The following MANBA variants were observed in gnomAD, a reference collection of about 807,000 sequenced individuals.
MANBA encodes the protein mannosidase beta.
MANBA carries 83 observed loss-of-function variants against 111.1 expected under a neutral mutation model. The ratio of observed to expected loss-of-function variants is 0.75; its 90% CI spans 0.63 to 0.90. The LOEUF (loss-of-function observed/expected upper bound fraction) is 0.90, where lower values mean the gene tolerates loss of function less well. Among genes scored for constraint, MANBA ranks in the 40% least tolerant of loss-of-function variants. The pLI is 0.00. For synonymous variants in MANBA, 370 were observed against 378.7 expected (o/e 0.98, Z 0.27); for missense variants, 1,036 against 1,069.0 (o/e 0.97, Z 0.43).
intron 5 of MANBA, among the ~76,000 whole-genome samples, chr4:102,712,854 G>A (rs1296897906): frequency 6.6e-6 from 1 of 152,062 alleles, no homozygotes; most frequent in South Asian, 2.1e-4. Context: ...ACCAGATTCT[G>A]TTATTTATAC....
intron 1 of MANBA, among the ~76,000 whole-genome samples, chr4:102,748,674 G>C (rs985379143): frequency 5.3e-5 from 8 of 152,100 alleles, no homozygotes; most frequent in African/African-American, 1.2e-4. Flanking sequence ...CAACACTTTG[G>C]GGGGCCGAGG....
intron 1 of MANBA, chr4:102,728,056 G>A (rs1722877985): frequency 7.8e-6 from 4 of 514,816 alleles, no homozygotes; most frequent in South Asian, 1.4e-5. Flanking sequence ...TTGCAGGGGT[G>A]GAGATAGAAG....
intron 4 of MANBA, among the ~76,000 whole-genome samples, chr4:102,715,423 C>A (rs932011654): frequency 2.6e-5 from 4 of 152,336 alleles, no homozygotes; most frequent in African/African-American, 9.6e-5. Flanking sequence ...TCCTAACTAA[C>A]AGAAGCTATC....
At chr4:102,723,163 C>T (rs1722655711) in intron 3 of MANBA, 122 bp from the exon 4 acceptor site, 3 of 873,280 alleles carry the variant, frequency 3.4e-6, no homozygotes, top group African/African-American at 1.7e-5. Context: ...GTTTAGCCTC[C>T]TTGCAGGAGG....
At chr4:102,702,211 C>T (rs1270649677) in intron 5 of MANBA, among the ~76,000 whole-genome samples, 2 of 151,688 alleles carry the variant, frequency 1.3e-5, no homozygotes, top group Non-Finnish European at 2.9e-5. Context: ...TCAGCTCCAT[C>T]AGCTCCTTTA....
chr4:102,660,923 G>C (rs1292094764), intron 11 of MANBA, among the ~76,000 whole-genome samples: 1 of 151,956 alleles, frequency 6.6e-6, no homozygotes, highest in Non-Finnish European at 1.5e-5. Flanking sequence ...ACATGGACCA[G>C]ATAAAGTTCC....
chr4:102,672,757 C>T (rs1731549462), intron 8 of MANBA, among the ~76,000 whole-genome samples: 2 of 152,170 alleles, frequency 1.3e-5, no homozygotes, highest in African/African-American at 4.8e-5. Flanking sequence ...GTGAACTGTG[C>T]ATGCGAAGGA....
At chr4:102,688,140 C>G (rs112133326) in intron 7 of MANBA, among the ~76,000 whole-genome samples, 2 of 152,250 alleles carry the variant, frequency 1.3e-5, no homozygotes, top group South Asian at 4.1e-4. Flanking sequence ...TTATTTTTTA[C>G]ATTTTCATGA....
At chr4:102,746,845 G>A (rs1033495510) in intron 1 of MANBA, among the ~76,000 whole-genome samples, 6 of 151,912 alleles carry the variant, frequency 3.9e-5, no homozygotes, top group East Asian at 1.9e-4. Context: ...GGTGGCGGTC[G>A]CCTGTAGTCC....
At chr4:102,649,678 A>G (rs1445405460) in intron 13 of MANBA, among the ~76,000 whole-genome samples, 5 of 152,116 alleles carry the variant, frequency 3.3e-5, no homozygotes, top group African/African-American at 9.7e-5. Flanking sequence ...TTGGTCCCCA[A>G]TTTGTGGCTT....
chr4:102,724,365 C>T (rs1334899987), intron 2 of MANBA, among the ~76,000 whole-genome samples: 1 of 152,142 alleles, frequency 6.6e-6, no homozygotes, highest in Admixed American at 6.5e-5. Flanking sequence ...CGAGACCATC[C>T]TGGCCAACAT....
intron 6 of MANBA, among the ~76,000 whole-genome samples, chr4:102,690,158 A>G (rs1045908592): frequency 2.0e-5 from 3 of 152,182 alleles, no homozygotes; most frequent in African/African-American, 7.2e-5. Flanking sequence ...GATAAAAATA[A>G]TCCGTTCTAC....
Position 102,671,137 on chromosome 4 carries a change from T to A in MANBA, c.1230+144A>T, listed in dbSNP as rs60581775. 2,024 of 665,194 alleles carry A rather than the reference T, an allele frequency of 3.0e-3. 38 individuals carry two copies. The African/African-American group carries it at 0.032, about 10-fold the overall frequency. 41.2% of individuals were successfully genotyped at this position (665,194 alleles called of 1,614,324 possible). A position where few individuals can be genotyped will look rare whatever the true frequency, so the allele number is the denominator to read the frequency against. On this transcript the variant is annotated intron_variant, in intron 9 of 16. Transcript: ENST00000647097. ...AGTTGATCACCTATGGCTCTTGGTT[T>A]ACAAGATGCCATTTATTCCTATAGC...
At chr4:102,755,868 A>C (rs1010211851) in intron 1 of MANBA, among the ~76,000 whole-genome samples, 1 of 152,230 alleles carries the variant, frequency 6.6e-6, no homozygotes, top group African/African-American at 2.4e-5. Flanking sequence ...AAGACACATG[A>C]AAAAATGCTC....
chr4:102,717,360 C>G (rs768525805), intron 4 of MANBA, among the ~76,000 whole-genome samples: 3 of 147,840 alleles, frequency 2.0e-5, no homozygotes, highest in African/African-American at 7.5e-5. Flanking sequence ...GATGAGTTTT[C>G]CTGAAAAAAA....
chr4:102,733,134 G>A (rs1333092245), intron 1 of MANBA, among the ~76,000 whole-genome samples: 1 of 152,174 alleles, frequency 6.6e-6, no homozygotes, highest in East Asian at 1.9e-4. Flanking sequence ...TCAACTATAT[G>A]TCATTCTGGA....
Position 102,634,811 on chromosome 4 carries a change from C to G in MANBA, c.2392G>C (p.Gly798Arg). 5 of 1,613,952 alleles carry G rather than the reference C, an allele frequency of 3.1e-6. No individual in the cohort carries two copies. The highest frequency in any genetic ancestry group is 3.4e-6 in the Non-Finnish European group (4 of 1,180,026). ...ACAGTGATCTGCGCCTTGCAGAGCC[C>G]CACGGCCTCCTTCGGTGAGGACAAG... ...HFLSSPKEAVGLCKAQITAII... is the reference protein window; with the variant it reads ...HFLSSPKEAVRLCKAQITAII... The change falls in exon 16 of 17, where the codon GGG becomes CGG. Residue 798 changes from glycine (G) to arginine (R), a missense_variant. Gly to Arg is a moderately radical substitution (Grantham distance 125). Transcript: ENST00000647097.
intron 13 of MANBA, among the ~76,000 whole-genome samples, chr4:102,649,117 T>G (rs1272771730): frequency 6.6e-6 from 1 of 152,192 alleles, no homozygotes; most frequent in Non-Finnish European, 1.5e-5. Context: ...AGTATTCCAC[T>G]GTATGAATAT....
At chr4:102,716,841 G>A (rs1722355655) in intron 4 of MANBA, among the ~76,000 whole-genome samples, 1 of 152,130 alleles carries the variant, frequency 6.6e-6, no homozygotes, top group Non-Finnish European at 1.5e-5. Flanking sequence ...TGGCCAAACT[G>A]TTGTCATTTG....
Sources: gnomAD v4.1 joint callset for allele counts (sites outside exome capture counted in the v4.1 genomes callset) on GRCh38, gnomAD v4.1.1 for gene constraint, MANE v1.5 for transcripts, NCBI Gene and HGNC (gene_info 2026-07-23, HGNC 2026-07-21) for gene names.